Variants in UBE2E2 observed in about 807,000 individuals in gnomAD.
The protein encoded by UBE2E2 is ubiquitin conjugating enzyme E2 E2.
A neutral mutation model predicts 24.7 loss-of-function variants in UBE2E2; 6 were observed. The observed-to-expected ratio is 0.24, with a 90% CI of 0.13 to 0.48. UBE2E2 has a LOEUF of 0.48. UBE2E2 is among the 20% of genes least tolerant of loss of function. The pLI, the probability that UBE2E2 is intolerant of heterozygous loss-of-function variation, is 0.99. For missense variants in UBE2E2, 169 were observed against 245.0 expected, an observed-to-expected ratio of 0.69 and a Z score of 2.07; for synonymous variants, 104 against 83.6, an observed-to-expected ratio of 1.24 and a Z score of -1.33.
At position 23,474,164 on chromosome 3, in the gene UBE2E2, T is replaced by G. The variant is rs992492357; in HGVS notation, c.228-25444T>G. Among the ~76,000 whole-genome samples the G allele has an allele frequency of 6.6e-6, 1 of 152,090 alleles. No homozygotes were observed. Among genetic ancestry groups the G allele is most frequent in the African/African-American group, 2.4e-5 (1 of 41,340 alleles). On this transcript the variant is annotated intron_variant, in intron 3 of 5. Transcript: ENST00000396703. This position sits in a 1 kb window ranked among gnomAD's most constrained non-coding sequence, Gnocchi z 4.0. ...GTGATGTTGAGCATTTTTTCATATG[T>G]TTGTTGGCCATTTTTATATCTTCTT...
Position 23,257,913 on chromosome 3 carries a change from T to A in UBE2E2, c.227+40601T>A, listed in dbSNP as rs78946925. On this transcript the variant is annotated intron_variant, in intron 3 of 5. Coordinates refer to ENST00000396703, the MANE Select transcript of UBE2E2 (RefSeq NM_152653.4). ...TATTTTCTGTATTTTTGCTTTTCTT[T>A]CATTTAGATCTCTTTCGTCTATTCC... 6.5e-4 allele frequency among the ~76,000 whole-genome samples: 99 copies of A among 152,248 alleles called. 5 individuals carry two copies. The East Asian group carries it at 0.016, about 24-fold the overall frequency.
chr3:23,217,337 A>G, intron 3 of UBE2E2, 25 bp downstream of exon 3: 1 of 1,607,810 alleles, frequency 6.2e-7, no homozygotes, highest in South Asian at 1.1e-5. Context: ...TTTTTTATTT[A>G]CTTGTATCTT....
intron 3 of UBE2E2, among the ~76,000 whole-genome samples, chr3:23,340,998 TGAGTA>T (rs1695372160): frequency 6.6e-6 from 1 of 152,162 alleles, no homozygotes; most frequent in Non-Finnish European, 1.5e-5. Flanking sequence ...CTTATATAAG[TGAGTA>T]CATCAAATGA....
rs1268967364 is a variant in UBE2E2 at position 23,590,636 on chromosome 3, C to A, written c.*805C>A. 2.0e-5 allele frequency: 3 copies of A among 152,582 alleles called. No individual in the cohort carries two copies. Among genetic ancestry groups the A allele is most frequent in the African/African-American group, 7.2e-5 (3 of 41,434 alleles). 9.5% of individuals were successfully genotyped at this position (152,582 alleles called of 1,614,324 possible). A position where few individuals can be genotyped will look rare whatever the true frequency, so the allele number is the denominator to read the frequency against. On this transcript the variant is annotated 3_prime_UTR_variant, in exon 6 of 6. Coordinates refer to ENST00000396703, the MANE Select transcript of UBE2E2 (RefSeq NM_152653.4). ...CTGGTGACCGCTGTAGCCCTACGTG[C>A]AGTGAGGCTTGTCTAATTCAATTAC...
chr3:23,405,526 A>C (rs1165777552), intron 3 of UBE2E2, among the ~76,000 whole-genome samples: 1 of 152,144 alleles, frequency 6.6e-6, no homozygotes, highest in Non-Finnish European at 1.5e-5. Flanking sequence ...TTTTTCAGGT[A>C]ATTTTTCCCC....
intron 3 of UBE2E2, among the ~76,000 whole-genome samples, chr3:23,451,437 G>A (rs567164413): frequency 6.6e-6 from 1 of 152,280 alleles, no homozygotes; most frequent in East Asian, 1.9e-4. Flanking sequence ...ATGGAATAAA[G>A]AGTAATTTGA....
At chr3:23,247,782 T>C (rs1697453269) in intron 3 of UBE2E2, among the ~76,000 whole-genome samples, 1 of 152,148 alleles carries the variant, frequency 6.6e-6, no homozygotes, top group East Asian at 1.9e-4. Flanking sequence ...ACCCCAGAAA[T>C]TGCTTATGAA....
intron 4 of UBE2E2, among the ~76,000 whole-genome samples, chr3:23,532,128 C>T (rs976879354): frequency 3.3e-5 from 5 of 151,684 alleles, no homozygotes; most frequent in African/African-American, 1.2e-4. Context: ...TTAGTACTCT[C>T]ATGCTTTTTG....
At chr3:23,428,497 C>T (rs1021821659) in intron 3 of UBE2E2, among the ~76,000 whole-genome samples, 1 of 151,930 alleles carries the variant, frequency 6.6e-6, no homozygotes, top group Admixed American at 6.6e-5. Flanking sequence ...AAGAAAAAGA[C>T]AAGCAAATCA....
In UBE2E2 at chr3:23,543,578, C is replaced by G. The variant is rs180898089; in HGVS notation, c.508+10877C>G. Among the ~76,000 whole-genome samples, 85 of 150,608 alleles carry G rather than the reference C, an allele frequency of 5.6e-4. 3 individuals carry two copies. In the East Asian group the frequency reaches 0.015, roughly 27 times the overall value. On this transcript the variant is annotated intron_variant, in intron 5 of 5. Coordinates refer to ENST00000396703, the MANE Select transcript of UBE2E2 (RefSeq NM_152653.4). ...AAAAAAAATAATAATAGATGACAAA[C>G]AAATGGAAATACATTTCATGTTCAT...
At chr3:23,535,476 G>A (rs6763329) in intron 5 of UBE2E2, among the ~76,000 whole-genome samples, 100,602 of 151,980 alleles carry the variant, frequency 0.66, 35,014 homozygotes, top group African/African-American at 0.89. Context: ...TCAGGTGGCA[G>A]ATGTCCAAAC....
chr3:23,413,538 C>CT (rs1373460580), intron 3 of UBE2E2, among the ~76,000 whole-genome samples: 2 of 152,238 alleles, frequency 1.3e-5, no homozygotes, highest in East Asian at 3.9e-4. Flanking sequence ...TTTTTCTTCA[C>CT]TTTTGGTGTA....
At chr3:23,531,743 A>G (rs1206352192) in intron 4 of UBE2E2, among the ~76,000 whole-genome samples, 2 of 152,220 alleles carry the variant, frequency 1.3e-5, no homozygotes, top group Non-Finnish European at 1.5e-5. Context: ...TGTTATTTAT[A>G]TAAATGCCTT....
intron 3 of UBE2E2, among the ~76,000 whole-genome samples, chr3:23,374,608 T>C (rs1337471306): frequency 2.0e-5 from 3 of 152,194 alleles, no homozygotes. Flanking sequence ...TCTAAATTCA[T>C]GTCTCCCCTT....
At chr3:23,328,152 T>TA (rs1489935657) in intron 3 of UBE2E2, among the ~76,000 whole-genome samples, 2 of 151,996 alleles carry the variant, frequency 1.3e-5, no homozygotes, top group African/African-American at 4.8e-5. Flanking sequence ...TTTGCGACAA[T>TA]AAAAAAGAAA....
At chr3:23,255,079 C>CTTTTTTT (rs202015038) in intron 3 of UBE2E2, among the ~76,000 whole-genome samples, 3 of 85,946 alleles carry the variant, frequency 3.5e-5, no homozygotes, top group African/African-American at 1.0e-4. Context: ...GAGTAACTTC[C>CTTTTTTT]TTTTTTTTTT....
intron 3 of UBE2E2, among the ~76,000 whole-genome samples, chr3:23,351,054 A>C (rs1168931894): frequency 6.6e-6 from 1 of 152,248 alleles, no homozygotes; most frequent in Non-Finnish European, 1.5e-5. Context: ...GAAACTCTAC[A>C]AGCCAGAAGA....
rs34255787 is a variant in UBE2E2, at chr3:23,396,303, TTA to T, written c.228-103291_228-103290del. ...CCTCATAGTTTCAAGCATTTATTTTTTATATATATATATATGTATATATATAC... is the reference window on the plus strand; with the variant it reads ...CCTCATAGTTTCAAGCATTTATTTTTTATATATATATATGTATATATATAC... On this transcript the variant is annotated intron_variant, in intron 3 of 5. Coordinates refer to ENST00000396703, the MANE Select transcript of UBE2E2 (RefSeq NM_152653.4). Among the ~76,000 whole-genome samples the T allele has an allele frequency of 4.0e-3, 511 of 128,010 alleles. 2 individuals carry two copies. The highest frequency in any genetic ancestry group is 0.013 in the African/African-American group (454 of 34,772). 84.0% of individuals were successfully genotyped at this position (128,010 alleles called of 152,430 possible).
At chr3:23,306,461 G>C (rs562997191) in intron 3 of UBE2E2, among the ~76,000 whole-genome samples, 1 of 152,110 alleles carries the variant, frequency 6.6e-6, no homozygotes, top group South Asian at 2.1e-4. Flanking sequence ...TGTAGAAATG[G>C]TATATGTCTA....
Sources: allele counts gnomAD v4.1 joint callset (sites outside exome capture counted in the v4.1 genomes callset), GRCh38; gene constraint gnomAD v4.1.1; non-coding constraint Gnocchi (gnomAD v3.1); transcripts MANE v1.5; gene names NCBI Gene and HGNC (gene_info 2026-07-23, HGNC 2026-07-21).